Variants in SLCO1B3 observed in about 807,000 individuals in gnomAD.
The protein encoded by SLCO1B3 is solute carrier organic anion transporter family member 1B3, also known as liver-specific organic anion transporter 2.
In SLCO1B3, 72 loss-of-function variants were observed where a neutral mutation model predicts 71.8. The ratio of observed to expected loss-of-function variants is 1.00; its 90% CI spans 0.83 to 1.22. SLCO1B3 has a LOEUF of 1.22. Ranked by LOEUF, SLCO1B3 falls within the 50% of genes most tolerant of loss-of-function variation. SLCO1B3 has a pLI of 0.00. For missense variants in SLCO1B3, 911 were observed against 819.7 expected (o/e 1.11, Z -1.36); for synonymous variants, 298 against 278.4 (o/e 1.07, Z -0.70).
intron 15 of SLCO1B3, among the ~76,000 whole-genome samples, chr12:20,906,841 T>G (rs1866256116): frequency 6.6e-6 from 1 of 152,106 alleles, no homozygotes; most frequent in Non-Finnish European, 1.5e-5. Context: ...CAATCAAAAA[T>G]GTTGCTTGAA....
chr12:20,895,776 C>G (rs962828677), intron 13 of SLCO1B3, among the ~76,000 whole-genome samples: 1 of 152,178 alleles, frequency 6.6e-6, no homozygotes, highest in Non-Finnish European at 1.5e-5. Flanking sequence ...TGTGTGATGG[C>G]TTTGACCTGA....
chr12:20,915,709 C>T (rs1866477845), intron 15 of SLCO1B3, among the ~76,000 whole-genome samples: 2 of 152,116 alleles, frequency 1.3e-5, no homozygotes, highest in African/African-American at 4.8e-5. Flanking sequence ...GTTTCTGTCT[C>T]CCACTCCTTA....
chr12:20,830,350 G>T (rs895954140), intron 3 of SLCO1B3, among the ~76,000 whole-genome samples: 2 of 152,186 alleles, frequency 1.3e-5, no homozygotes, highest in Admixed American at 6.5e-5. Flanking sequence ...TTTCTCAAAA[G>T]ATTATTTTGA....
At chr12:20,875,702 CCAAT>C (rs1197078134) in intron 9 of SLCO1B3, among the ~76,000 whole-genome samples, 1 of 151,924 alleles carries the variant, frequency 6.6e-6, no homozygotes, top group South Asian at 2.1e-4. Flanking sequence ...AAGAGAGAAA[CCAAT>C]CAAAGGCTAC....
At chr12:20,910,446 T>G (rs1818855476) in intron 15 of SLCO1B3, among the ~76,000 whole-genome samples, 1 of 152,212 alleles carries the variant, frequency 6.6e-6, no homozygotes, top group Non-Finnish European at 1.5e-5. Flanking sequence ...ATCTTTTGCC[T>G]CTTCACATAA....
intron 10 of SLCO1B3, 86 bp from the exon 11 acceptor site, chr12:20,879,350 G>A: frequency 1.0e-6 from 1 of 969,412 alleles, no homozygotes; most frequent in Non-Finnish European, 1.5e-6. Context: ...GAATTTGGTT[G>A]ATATACACTG....
intron 15 of SLCO1B3, among the ~76,000 whole-genome samples, chr12:20,910,982 A>G (rs1198660423): frequency 2.0e-5 from 3 of 151,610 alleles, no homozygotes; most frequent in South Asian, 2.1e-4. Context: ...TCTGTGTACC[A>G]TGTTGAAAAT....
At chr12:20,904,923 A>C (rs533401928) in intron 15 of SLCO1B3, among the ~76,000 whole-genome samples, 4 of 151,830 alleles carry the variant, frequency 2.6e-5, no homozygotes, top group Admixed American at 2.6e-4. Flanking sequence ...ACAGGCATGC[A>C]CCACCATACC....
intron 15 of SLCO1B3, among the ~76,000 whole-genome samples, chr12:20,907,734 C>G (rs1044165303): frequency 6.6e-6 from 1 of 151,802 alleles, no homozygotes; most frequent in Non-Finnish European, 1.5e-5. Context: ...GTCTCAAACT[C>G]CTGACCTCAG....
At position 20,915,994 on chromosome 12, in the gene SLCO1B3, CTT is replaced by C; in HGVS notation, c.1866-7_1866-6del. On this transcript the variant is annotated splice_region_variant and splice_polypyrimidine_tract_variant and intron_variant, in intron 15 of 15. Transcript: ENST00000381545. ...AATAATAATCGACTCTCTATTTTCT[CTT>C]TTCACAGAAGGGTCTACTTGGGCTT... The C allele has an allele frequency of 3.8e-6, 6 of 1,572,096 alleles. No homozygotes were observed. The highest frequency in any genetic ancestry group is 5.2e-6 in the Non-Finnish European group (6 of 1,157,234).
intron 3 of SLCO1B3, among the ~76,000 whole-genome samples, chr12:20,841,875 T>C (rs1864810909): frequency 7.9e-6 from 1 of 126,814 alleles, no homozygotes; most frequent in Admixed American, 1.0e-4. Context: ...CTTTGAATTG[T>C]TGGATGTAGT....
chr12:20,893,089 G>T (rs1865934315), intron 13 of SLCO1B3, among the ~76,000 whole-genome samples: 1 of 152,128 alleles, frequency 6.6e-6, no homozygotes, highest in African/African-American at 2.4e-5. Flanking sequence ...AGCCTAAAGA[G>T]CTAGGGCTGG....
At chr12:20,837,394 A>C (rs189390074) in intron 3 of SLCO1B3, among the ~76,000 whole-genome samples, 3 of 151,998 alleles carry the variant, frequency 2.0e-5, no homozygotes, top group African/African-American at 7.2e-5. Context: ...CAAGTTTCCT[A>C]AGGTAGAAAC....
chr12:20,857,769 C>A (rs1645884954), intron 4 of SLCO1B3, among the ~76,000 whole-genome samples: 1 of 151,958 alleles, frequency 6.6e-6, no homozygotes, highest in African/African-American at 2.4e-5. Flanking sequence ...TTCAATAATT[C>A]TTGATTATTG....
At chr12:20,858,262 T>C (rs1303093572) in intron 4 of SLCO1B3, among the ~76,000 whole-genome samples, 177 bp from the exon 5 acceptor site, 2 of 152,128 alleles carry the variant, frequency 1.3e-5, no homozygotes, top group Non-Finnish European at 2.9e-5. Context: ...TTATTAATAC[T>C]ATACAACTTT....
chr12:20,834,032 T>C (rs1334708620), intron 3 of SLCO1B3, among the ~76,000 whole-genome samples: 1 of 144,414 alleles, frequency 6.9e-6, no homozygotes, highest in Admixed American at 7.3e-5. Flanking sequence ...TATTTATATA[T>C]GTATTTATAT....
At chr12:20,859,790 AAT>A (rs1390433979) in intron 5 of SLCO1B3, among the ~76,000 whole-genome samples, 1 of 151,926 alleles carries the variant, frequency 6.6e-6, no homozygotes, top group Non-Finnish European at 1.5e-5. Context: ...AATGTGCCAT[AAT>A]ATGTCATATC....
chr12:20,861,510 T>C (rs1009657977), intron 6 of SLCO1B3, among the ~76,000 whole-genome samples: 3 of 152,150 alleles, frequency 2.0e-5, no homozygotes, highest in Non-Finnish European at 4.4e-5. Flanking sequence ...GATTATTGTA[T>C]ACCAAGGGCA....
Position 20,898,389 on chromosome 12 carries a change from G to T in SLCO1B3, c.1683-47G>T. Reference sequence around the variant, plus strand: ...AAATGTTTTGATATTAACTCAGTTTGATTTTTTAATGACATGTATTATTTC... The same window carrying T: ...AAATGTTTTGATATTAACTCAGTTTTATTTTTTAATGACATGTATTATTTC... On this transcript the variant is annotated intron_variant, in intron 13 of 15. Transcript: ENST00000381545. 3.3e-6 allele frequency: 4 copies of T among 1,207,078 alleles called. No homozygotes were observed. In the South Asian group the frequency reaches 3.7e-5, roughly 11 times the overall value. The allele number at this position is 1,207,078 out of a possible 1,614,324, so 74.8% of individuals were successfully genotyped here. A position where few individuals can be genotyped will look rare whatever the true frequency, so the allele number is the denominator to read the frequency against.
Sources: allele counts gnomAD v4.1 joint callset (sites outside exome capture counted in the v4.1 genomes callset), GRCh38; gene constraint gnomAD v4.1.1; transcripts MANE v1.5; gene names NCBI Gene and HGNC (gene_info 2026-07-23, HGNC 2026-07-21).